The following LAMB1 variants were observed in gnomAD, a reference collection of about 807,000 sequenced individuals.
LAMB1 encodes the protein laminin subunit beta-1.
Under a neutral mutation model 222.3 loss-of-function variants are expected in LAMB1, and 121 were observed. That is an observed-to-expected ratio of 0.54 (90% CI 0.47 to 0.63). LAMB1 has a LOEUF of 0.63. Ranked by LOEUF, LAMB1 falls within the 30% of genes least tolerant of loss-of-function variation. The pLI is 0.00. For missense variants in LAMB1, 2,172 were observed against 2,240.8 expected, an observed-to-expected ratio of 0.97 and a Z score of 0.62; for synonymous variants, 794 against 807.2, an observed-to-expected ratio of 0.98 and a Z score of 0.28.
rs756762548 is a variant in LAMB1, at chr7:107,940,136, T to G, written c.3614A>C (p.Lys1205Thr). The change falls in exon 25 of 34, where the codon AAG (lysine) becomes ACG (threonine). Residue 1205 changes from lysine (K) to threonine (T), a missense_variant. Lys to Thr is a moderately conservative substitution (Grantham distance 78). Coordinates refer to ENST00000222399, the MANE Select transcript of LAMB1 (RefSeq NM_002291.3). Reference protein sequence around the residue: ...NRTHRFLEKAKALKISGVIGP... With the variant: ...NRTHRFLEKATALKISGVIGP... ...GATCACACCACTGATCTTCAAGGCC[T>G]TGGCTTTCTCCAGGAATCTGTGTGT... 2.5e-6 allele frequency: 4 copies of G among 1,614,030 alleles called. No homozygotes were observed. The African/African-American group carries it at 5.3e-5, about 22-fold the overall frequency.
intron 20 of LAMB1, among the ~76,000 whole-genome samples, chr7:107,958,070 C>T (rs2033414986): frequency 6.6e-6 from 1 of 152,166 alleles, no homozygotes; most frequent in Non-Finnish European, 1.5e-5. Flanking sequence ...TCTGTTCCCC[C>T]TCCTCTCTCT....
chr7:107,937,387 G>C (rs2032873427), intron 25 of LAMB1, 110 bp from the exon 26 acceptor site: 5 of 791,082 alleles, frequency 6.3e-6, no homozygotes, highest in Non-Finnish European at 1.0e-5. Context: ...AACCAATTCA[G>C]TAATTTGTAA....
In LAMB1 at chr7:107,980,038, C is replaced by T. The variant is rs148908974; in HGVS notation, c.879+571G>A. On this transcript the variant is annotated intron_variant, in intron 8 of 33. Transcript: ENST00000222399. ...GCCTAGCCAACATGATGAAACCCCA[C>T]CTCTACTAAAAACACAAAAATTAGC... 7.9e-3 allele frequency among the ~76,000 whole-genome samples: 1,207 copies of T among 152,092 alleles called. 23 individuals are homozygous for T. The highest frequency in any genetic ancestry group is 0.027 in the African/African-American group (1,138 of 41,492).
At chr7:107,969,740 C>A (rs144998068) in intron 13 of LAMB1, among the ~76,000 whole-genome samples, 1 of 152,178 alleles carries the variant, frequency 6.6e-6, no homozygotes, top group East Asian at 1.9e-4. Flanking sequence ...ACCTGTACAG[C>A]ATATTACTGT....
chr7:107,928,833 G>A (rs2032632393), intron 31 of LAMB1, among the ~76,000 whole-genome samples: 1 of 152,078 alleles, frequency 6.6e-6, no homozygotes, highest in African/African-American at 2.4e-5. Context: ...TTGTGGGGGA[G>A]AAAATGAGAT....
intron 26 of LAMB1, 125 bp from the exon 27 acceptor site, chr7:107,935,781 A>T: frequency 9.1e-7 from 1 of 1,103,040 alleles, no homozygotes; most frequent in East Asian, 2.4e-5. Context: ...TCAAGAAAAA[A>T]TATTTATGAA....
intron 29 of LAMB1, among the ~76,000 whole-genome samples, chr7:107,930,452 T>G (rs1267100234): frequency 2.0e-5 from 3 of 152,242 alleles, no homozygotes; most frequent in African/African-American, 7.2e-5. Flanking sequence ...GCCTTTTTTC[T>G]TGCTAACAGA....
At chr7:107,935,298 T>G in intron 27 of LAMB1, 117 bp downstream of exon 27, 1 of 1,465,402 alleles carries the variant, frequency 6.8e-7, no homozygotes, top group Non-Finnish European at 9.1e-7. Context: ...TCCTGCTGAT[T>G]CATTTGCAAA....
chr7:107,951,374 T>C (rs1405679242), intron 23 of LAMB1, 52 bp from the exon 24 acceptor site: 7 of 1,527,218 alleles, frequency 4.6e-6, no homozygotes, highest in Non-Finnish European at 6.3e-6. Context: ...CAGAAGCCAG[T>C]TGTCATCTTT....
chr7:107,935,353 T>TTTG, intron 27 of LAMB1, 62 bp downstream of exon 27: 1 of 428,068 alleles, frequency 2.3e-6, no homozygotes, highest in South Asian at 7.0e-5. Flanking sequence ...CTTTGTTTTT[T>TTTG]TTTTTTTTTT....
At chr7:107,935,354 T>TTG in intron 27 of LAMB1, 61 bp downstream of exon 27, 30 of 443,388 alleles carry the variant, frequency 6.8e-5, no homozygotes, top group Middle Eastern at 7.4e-4. Context: ...TTTGTTTTTT[T>TTG]TTTTTTTTTT....
intron 25 of LAMB1, among the ~76,000 whole-genome samples, chr7:107,938,042 G>T (rs931774402): frequency 6.6e-6 from 1 of 152,200 alleles, no homozygotes; most frequent in Non-Finnish European, 1.5e-5. Context: ...CCAGGTGGGT[G>T]TGGGTAGGGT....
At chr7:107,955,873 C>G (rs1266731269) in intron 20 of LAMB1, among the ~76,000 whole-genome samples, 1 of 151,212 alleles carries the variant, frequency 6.6e-6, no homozygotes, top group Non-Finnish European at 1.5e-5. Context: ...GCTGGGACTA[C>G]AGGCACACAC....
At chr7:107,962,342 C>T (rs777002572) in intron 15 of LAMB1, among the ~76,000 whole-genome samples, 1 of 152,206 alleles carries the variant, frequency 6.6e-6, no homozygotes, top group African/African-American at 2.4e-5. Flanking sequence ...CTCATACATC[C>T]TCATCACCAC....
intron 7 of LAMB1, among the ~76,000 whole-genome samples, chr7:107,981,300 T>C (rs1392688597): frequency 6.6e-6 from 1 of 152,096 alleles, no homozygotes; most frequent in Non-Finnish European, 1.5e-5. Context: ...ATACAAAAAG[T>C]AGCTGGGCAT....
intron 12 of LAMB1, among the ~76,000 whole-genome samples, 173 bp downstream of exon 12, chr7:107,974,813 G>A (rs2033818345): frequency 6.6e-6 from 1 of 152,220 alleles, no homozygotes; most frequent in East Asian, 1.9e-4. Flanking sequence ...CAGGGATGGT[G>A]AACATCTTGT....
At position 107,978,054 on chromosome 7, in the gene LAMB1, G is replaced by A. The variant is rs1004025595; in HGVS notation, c.993C>T (p.Ala331=). Residue 331 remains alanine, a synonymous_variant, in exon 9 of 34, where the codon GCC becomes GCT. Transcript: ENST00000222399. The part of the protein sequence containing the change: ...WRPAEGRNSN[A]CKKCNCNEHS... ...CCTTCAACACAGACTTACTTTTACAGGCGTTGCTGTTTCGGCCTTCAGCAG... is the reference window on the plus strand; with the variant it reads ...CCTTCAACACAGACTTACTTTTACAAGCGTTGCTGTTTCGGCCTTCAGCAG... 3 of 1,614,146 alleles carry A rather than the reference G, an allele frequency of 1.9e-6. No individual in the cohort carries two copies. The highest frequency in any genetic ancestry group is 1.7e-6 in the Non-Finnish European group (2 of 1,180,034).
chr7:107,984,230 C>T lies in LAMB1; in HGVS notation c.676+1792G>A, dbSNP rs564423499. ...GCCAATGAGATGTGAGCAGAAGTGA[C>T]GTGTGCAACTTCCACATCTCATTTT... is the stretch of plus-strand genomic sequence containing the variant. On this transcript the variant is annotated intron_variant, in intron 7 of 33. Transcript: ENST00000222399. Among the ~76,000 whole-genome samples, 12 of 152,122 alleles carry T rather than the reference C, an allele frequency of 7.9e-5. No individual in the cohort carries two copies. In the South Asian group the frequency reaches 2.1e-3, roughly 26 times the overall value.
chr7:107,937,017 C>A, intron 26 of LAMB1, 76 bp downstream of exon 26: 1 of 1,219,500 alleles, frequency 8.2e-7, no homozygotes, highest in South Asian at 1.7e-5. Flanking sequence ...TTTTTTTCCC[C>A]AAAAGTGCTA....
Sources: allele counts gnomAD v4.1 joint callset (sites outside exome capture counted in the v4.1 genomes callset), GRCh38; gene constraint gnomAD v4.1.1; transcripts MANE v1.5; gene names NCBI Gene and HGNC (gene_info 2026-07-23, HGNC 2026-07-21).